KIF20B: variants seen among roughly 807,000 people sequenced by gnomAD.
KIF20B encodes the protein kinesin family member 20B.
KIF20B carries 188 observed loss-of-function variants against 232.5 expected under a neutral mutation model. That is an observed-to-expected ratio of 0.81 (90% CI 0.72 to 0.91). The LOEUF (loss-of-function observed/expected upper bound fraction) is 0.91, where lower values mean the gene tolerates loss of function less well. Ranked by LOEUF, KIF20B falls within the 40% of genes least tolerant of loss-of-function variation. The pLI, the probability that KIF20B is intolerant of heterozygous loss-of-function variation, is 0.00. For missense variants in KIF20B, 2,154 were observed against 2,055.9 expected (o/e 1.05, Z -0.92); for synonymous variants, 712 against 683.0 (o/e 1.04, Z -0.66).
rs1841697823 is a variant in KIF20B at position 89,737,967 on chromosome 10, T to C, written c.3126T>C (p.Tyr1042=). 4 of 1,613,154 alleles carry C rather than the reference T, an allele frequency of 2.5e-6. No homozygotes were observed. The highest frequency in any genetic ancestry group is 2.5e-6 in the Non-Finnish European group (3 of 1,179,482). The change falls in exon 20 of 33, where the codon TAT becomes TAC. Residue 1042 remains tyrosine (Y), a synonymous_variant. Coordinates refer to ENST00000371728, the MANE Select transcript of KIF20B (RefSeq NM_001284259.2). ...DYLVSKQVKE[Y]RIQEPNRENS... is the part of the protein sequence containing the mutation. ...TGGTAAGTAAGCAAGTTAAAGAATA[T>C]CGAATTCAAGAACCCAATAGGGAAA...
chr10:89,739,258 A>G (rs1490477916), intron 21 of KIF20B, among the ~76,000 whole-genome samples, 162 bp downstream of exon 21: 1 of 152,142 alleles, frequency 6.6e-6, no homozygotes, highest in East Asian at 1.9e-4. Flanking sequence ...AATTTAGCTG[A>G]TTTAAACAAG....
chr10:89,764,053 C>G lies in KIF20B; in HGVS notation c.4989+1218C>G, dbSNP rs180695633. Among the ~76,000 whole-genome samples the G allele has an allele frequency of 6.3e-5, 7 of 111,956 alleles. No individual in the cohort carries two copies. In the South Asian group the frequency reaches 2.6e-3, roughly 42 times the overall value. The allele number at this position is 111,956 out of a possible 152,430, so 73.4% of individuals were successfully genotyped here. On this transcript the variant is annotated intron_variant, in intron 29 of 32. Coordinates refer to ENST00000371728, the MANE Select transcript of KIF20B (RefSeq NM_001284259.2). Reference sequence around the variant, plus strand: ...TAATGCCATCCCTCCCCCCTCCCCCCACCCCACAACAGTCCCCAGAGTGTG... The same window carrying G: ...TAATGCCATCCCTCCCCCCTCCCCCGACCCCACAACAGTCCCCAGAGTGTG...
At chr10:89,768,985 A>C in intron 31 of KIF20B, 97 bp downstream of exon 31, 1 of 995,126 alleles carries the variant, frequency 1.0e-6, no homozygotes, top group Non-Finnish European at 1.5e-6. Context: ...TTCAGGGAAT[A>C]TTATACTTCA....
intron 24 of KIF20B, 34 bp from the exon 25 acceptor site, chr10:89,752,533 T>G: frequency 6.6e-7 from 1 of 1,523,428 alleles, no homozygotes; most frequent in Non-Finnish European, 8.9e-7. Context: ...CTTTTGCATA[T>G]GCTTTAAAAC....
intron 29 of KIF20B, among the ~76,000 whole-genome samples, chr10:89,765,801 C>A (rs1210838510): frequency 6.6e-6 from 1 of 152,068 alleles, no homozygotes; most frequent in East Asian, 1.9e-4. Context: ...GTTGAAAATT[C>A]TTTTCTTTAA....
chr10:89,710,104 G>A, intron 5 of KIF20B, 39 bp downstream of exon 5: 2 of 1,552,140 alleles, frequency 1.3e-6, no homozygotes, highest in South Asian at 2.4e-5. Context: ...GGATAAGGAA[G>A]CAATAATAAT....
chr10:89,721,814 A>C (rs1341236098), intron 13 of KIF20B, among the ~76,000 whole-genome samples: 3 of 152,206 alleles, frequency 2.0e-5, no homozygotes, highest in African/African-American at 7.2e-5. Flanking sequence ...ATATAGTATA[A>C]ATGCTTATCA....
chr10:89,760,124 G>A (rs780317893), intron 27 of KIF20B, among the ~76,000 whole-genome samples: 164 of 152,260 alleles, frequency 1.1e-3, no homozygotes, highest in Middle Eastern at 3.4e-3. Context: ...GGGATACTGA[G>A]CAATTCTAAC....
chr10:89,708,138 G>A (rs10881629), intron 2 of KIF20B, among the ~76,000 whole-genome samples: 52,350 of 151,542 alleles, frequency 0.35, 10,302 homozygotes, highest in East Asian at 0.57. Flanking sequence ...TGTGTTATTC[G>A]GCTTATGTCA....
chr10:89,726,425 T>G lies in KIF20B; in HGVS notation c.2134T>G (p.Cys712Gly), dbSNP rs773773250. Residue 712 changes from cysteine (C) to glycine (G), a missense_variant, in exon 16 of 33, where the codon TGT becomes GGT. Cys to Gly is a radical substitution (Grantham distance 159, BLOSUM62 -3). Coordinates refer to ENST00000371728, the MANE Select transcript of KIF20B (RefSeq NM_001284259.2). ...TCCTGACCCCCAGGAAGCTACTGCT[T>G]GTTTAGAACTAAAGTTTAATCAAAT... ...SLPDPQEATA[C>G]LELKFNQIKA... The G allele has an allele frequency of 1.9e-6, 3 of 1,601,614 alleles. No individual in the cohort carries two copies. The highest frequency in any genetic ancestry group is 1.7e-6 in the Non-Finnish European group (2 of 1,172,928).
chr10:89,752,643 C>A lies in KIF20B; in HGVS notation c.4299C>A (p.Asn1433Lys), dbSNP rs140347341. The part of the protein sequence containing the change: ...NNQRSNKEHE[N>K]NTDVLGKLTN... Reference sequence around the variant, plus strand: ...AAAGGTCAAATAAAGAACATGAGAACAACACAGATGTGCTTGGAAAGCTCA... The same window carrying A: ...AAAGGTCAAATAAAGAACATGAGAAAAACACAGATGTGCTTGGAAAGCTCA... Residue 1433 changes from asparagine to lysine, a missense_variant, in exon 25 of 33, where the codon AAC becomes AAA. By Grantham distance (94) the Asn-to-Lys change is moderately conservative (BLOSUM62 0). Coordinates refer to ENST00000371728, the MANE Select transcript of KIF20B (RefSeq NM_001284259.2). The A allele has an allele frequency of 6.9e-6, 11 of 1,603,552 alleles. No homozygotes were observed. The African/African-American group carries it at 1.3e-4, about 20-fold the overall frequency.
In KIF20B at chr10:89,738,575, TAAAAGA is replaced by T; in HGVS notation, c.3736_3741del (p.Lys1246_Glu1247del). On this transcript the variant is annotated inframe_deletion, in exon 20 of 33. Coordinates refer to ENST00000371728, the MANE Select transcript of KIF20B (RefSeq NM_001284259.2). Reference sequence around the variant, plus strand: ...CAAGATATGAAACATTTACTTCAATTAAAAGAAGAAGAAGAAGAAACCAACAGGCAA... The same window carrying T: ...CAAGATATGAAACATTTACTTCAATTAGAAGAAGAAGAAACCAACAGGCAA... The T allele has an allele frequency of 2.6e-6, 4 of 1,564,072 alleles. No homozygotes were observed. The highest frequency in any genetic ancestry group is 2.3e-5 in the East Asian group (1 of 44,196).
intron 14 of KIF20B, 25 bp from the exon 15 acceptor site, chr10:89,724,995 A>G: frequency 1.2e-6 from 2 of 1,604,010 alleles, no homozygotes; most frequent in Non-Finnish European, 1.7e-6. Flanking sequence ...TCTGTTTCTT[A>G]ATGGGATTAA....
chr10:89,735,748 C>G (rs1378337918), intron 19 of KIF20B, among the ~76,000 whole-genome samples: 1 of 151,952 alleles, frequency 6.6e-6, no homozygotes, highest in Non-Finnish European at 1.5e-5. Context: ...CCATGTTGGC[C>G]AGGATGGTCT....
chr10:89,717,366 C>T (rs76520569), intron 9 of KIF20B, 58 bp from the exon 10 acceptor site: 45,520 of 1,056,488 alleles, frequency 0.043, 1,203 homozygotes, highest in Non-Finnish European at 0.053. Flanking sequence ...ACTTGTCTCT[C>T]CTATTTAGAA....
chr10:89,706,233 G>A (rs999343468), intron 2 of KIF20B, among the ~76,000 whole-genome samples: 2 of 152,054 alleles, frequency 1.3e-5, no homozygotes, highest in Admixed American at 6.5e-5. Context: ...CCTTTCTAAT[G>A]AGCACTCTTT....
In KIF20B at chr10:89,738,970, A is replaced by T; in HGVS notation, c.3789A>T (p.Glu1263Asp). 1.2e-6 allele frequency: 2 copies of T among 1,610,414 alleles called. No homozygotes were observed. The highest frequency in any genetic ancestry group is 2.7e-5 in the African/African-American group (2 of 74,772). Residue 1263 changes from glutamate to aspartate, a missense_variant, in exon 21 of 33, where the codon GAA (glutamate) becomes GAT (aspartate). Glu to Asp is a conservative substitution (Grantham distance 45). Coordinates refer to ENST00000371728, the MANE Select transcript of KIF20B (RefSeq NM_001284259.2). The stretch of plus-strand genomic sequence containing the variant: ...TTATGTTTTTTAGATTGAAAGAGGA[A>T]CTCTCTGCAAGCTCTGCTCGTACCC... ...NRQETEKLKE[E>D]LSASSARTQN...
intron 2 of KIF20B, among the ~76,000 whole-genome samples, chr10:89,706,098 G>A (rs560592297): frequency 6.6e-6 from 1 of 152,296 alleles, no homozygotes; most frequent in South Asian, 2.1e-4. Flanking sequence ...GTTTTTCAAA[G>A]TGGCTATCCC....
chr10:89,741,707 T>A (rs1450570266), intron 21 of KIF20B, among the ~76,000 whole-genome samples: 1 of 152,192 alleles, frequency 6.6e-6, no homozygotes, highest in African/African-American at 2.4e-5. Flanking sequence ...TGGCCAACCA[T>A]GAGCTGAAAA....
Sources: gnomAD v4.1 joint callset for allele counts (sites outside exome capture counted in the v4.1 genomes callset) on GRCh38, gnomAD v4.1.1 for gene constraint, MANE v1.5 for transcripts, NCBI Gene and HGNC (gene_info 2026-07-23, HGNC 2026-07-21) for gene names.